Variants in ARHGEF12 observed in about 807,000 individuals in gnomAD.
ARHGEF12 encodes KMT2A/ARHGEF12 fusion protein.
Under a neutral mutation model 211.2 loss-of-function variants are expected in ARHGEF12, and 66 were observed. The ratio of observed to expected loss-of-function variants is 0.31; its 90% CI spans 0.26 to 0.38. The LOEUF (loss-of-function observed/expected upper bound fraction) is 0.38, where lower values mean the gene tolerates loss of function less well. Ranked by LOEUF, ARHGEF12 falls within the 10% of genes least tolerant of loss-of-function variation. The pLI is 1.00. For missense variants in ARHGEF12, 1,429 were observed against 1,869.5 expected, an observed-to-expected ratio of 0.76 and a Z score of 4.34; for synonymous variants, 592 against 638.4, an observed-to-expected ratio of 0.93 and a Z score of 1.09.
chr11:120,448,994 G>T (rs924917604), intron 20 of ARHGEF12, 115 bp from the exon 21 acceptor site: 2 of 831,592 alleles, frequency 2.4e-6, no homozygotes, highest in African/African-American at 1.7e-5. Context: ...CACGTGTACG[G>T]GTTTTCATTT....
chr11:120,429,301 A>C, intron 8 of ARHGEF12, 139 bp from the exon 9 acceptor site: 1 of 596,036 alleles, frequency 1.7e-6, no homozygotes, highest in Non-Finnish European at 2.9e-6. Context: ...GCCTGTCCAC[A>C]TAACCCGGAA....
At chr11:120,354,065 C>T (rs911954204) in intron 1 of ARHGEF12, among the ~76,000 whole-genome samples, 2 of 152,008 alleles carry the variant, frequency 1.3e-5, no homozygotes, top group African/African-American at 4.8e-5. Flanking sequence ...CCTCTGATCT[C>T]CTCAGAGACT....
At chr11:120,437,494 AAAATT>A in intron 12 of ARHGEF12, 112 bp downstream of exon 12, 2 of 662,734 alleles carry the variant, frequency 3.0e-6, no homozygotes, top group African/African-American at 1.9e-5. Context: ...TTTTGGAAAA[AAAATT>A]AAAATTTATT....
chr11:120,473,201 C>T (rs1946922683), intron 31 of ARHGEF12, 74 bp downstream of exon 31: 4 of 1,321,370 alleles, frequency 3.0e-6, no homozygotes, highest in Non-Finnish European at 4.3e-6. Flanking sequence ...ATTAACATCT[C>T]AGTGGGAATA....
chr11:120,357,137 C>A (rs1943152614), intron 1 of ARHGEF12, among the ~76,000 whole-genome samples: 1 of 151,896 alleles, frequency 6.6e-6, no homozygotes. Flanking sequence ...GGACTGCAGG[C>A]ATGTGCCACC....
intron 1 of ARHGEF12, among the ~76,000 whole-genome samples, chr11:120,364,559 G>A (rs929870181): frequency 6.6e-5 from 10 of 152,306 alleles, no homozygotes; most frequent in Middle Eastern, 3.4e-3. Flanking sequence ...AGGAACCAAT[G>A]TAAGTCTGGT....
intron 1 of ARHGEF12, among the ~76,000 whole-genome samples, chr11:120,357,647 G>A (rs936236567): frequency 1.3e-5 from 2 of 152,138 alleles, no homozygotes; most frequent in Non-Finnish European, 2.9e-5. Context: ...TTGCCTCATT[G>A]CAACCTCCAC....
Position 120,465,288 on chromosome 11 carries a change from A to G in ARHGEF12, c.2665A>G (p.Ser889Gly). 1 of 1,614,158 alleles carries G rather than the reference A, an allele frequency of 6.2e-7. No homozygotes were observed. The highest frequency in any genetic ancestry group is 8.5e-7 in the Non-Finnish European group (1 of 1,180,008). The change falls in exon 28 of 41, where the codon AGT becomes GGT. Residue 889 changes from serine to glycine, a missense_variant. Physicochemically the swap from Ser to Gly is moderately conservative, Grantham distance 56. Around this residue, in one of 7 missense-constraint regions of ARHGEF12, gnomAD observed 223 missense variants for 444.6 expected, o/e 0.50. Coordinates refer to ENST00000397843, the MANE Select transcript of ARHGEF12 (RefSeq NM_015313.3). ...GAAACATGCTGCTGCTACCTTTTGCAGTAACCAACCTTTCGCCCTGGAAAT... is the reference window on the plus strand; with the variant it reads ...GAAACATGCTGCTGCTACCTTTTGCGGTAACCAACCTTTCGCCCTGGAAAT... ...KLKHAAATFC[S>G]NQPFALEMIK...
At chr11:120,466,271 A>T (rs796306450) in intron 28 of ARHGEF12, among the ~76,000 whole-genome samples, 26 of 152,312 alleles carry the variant, frequency 1.7e-4, no homozygotes, top group African/African-American at 6.0e-4. Context: ...TTCTTTGTAA[A>T]TGTATAACTG....
chr11:120,430,323 T>TA (rs373262287), intron 10 of ARHGEF12, among the ~76,000 whole-genome samples: 16 of 152,234 alleles, frequency 1.1e-4, no homozygotes, highest in African/African-American at 3.6e-4. Context: ...TAGAGAGAGT[T>TA]AGAGAGATTA....
chr11:120,437,016 G>A (rs911209577), intron 11 of ARHGEF12, among the ~76,000 whole-genome samples: 1 of 151,970 alleles, frequency 6.6e-6, no homozygotes, highest in African/African-American at 2.4e-5. Context: ...ATGAGTTTGA[G>A]GTATGCAGTA....
intron 1 of ARHGEF12, among the ~76,000 whole-genome samples, chr11:120,373,948 C>T (rs1943656768): frequency 6.6e-6 from 1 of 152,168 alleles, no homozygotes; most frequent in South Asian, 2.1e-4. Context: ...GCTGGGATTA[C>T]AGGCATGCAC....
rs541618719 is a variant in ARHGEF12, at chr11:120,410,853, C to T, written c.199+1403C>T. On this transcript the variant is annotated intron_variant, in intron 4 of 40. Transcript: ENST00000397843. The stretch of plus-strand genomic sequence containing the variant: ...TACCTAATTCCTGGAGACTATATTT[C>T]TGTTCTATATAAAGAGCTTTCTATA... 4 of 152,264 alleles carry T rather than the reference C, an allele frequency of 2.6e-5. No individual in the cohort carries two copies. The South Asian group carries it at 8.3e-4, about 32-fold the overall frequency. 9.4% of individuals were successfully genotyped at this position (152,264 alleles called of 1,614,324 possible).
chr11:120,423,905 A>G (rs1945270456), intron 6 of ARHGEF12, among the ~76,000 whole-genome samples: 1 of 152,190 alleles, frequency 6.6e-6, no homozygotes, highest in South Asian at 2.1e-4. Context: ...CTGAAAATTA[A>G]TTTTCTTTGT....
chr11:120,446,997 C>G lies in ARHGEF12; in HGVS notation c.1501C>G (p.Leu501Val). 1 of 1,614,198 alleles carries G rather than the reference C, an allele frequency of 6.2e-7. No individual in the cohort carries two copies. Among genetic ancestry groups the G allele is most frequent in the Non-Finnish European group, 8.5e-7 (1 of 1,180,032 alleles). ...CTTGGCTGAAAGCGAGCTGACTAAA[C>G]TTGATGCAGAGCGAGACAAGGACCG... is the stretch of plus-strand genomic sequence containing the variant. ...LTLAESELTK[L>V]DAERDKDRLT... The change falls in exon 18 of 41, where the codon CTT (leucine) becomes GTT (valine). Residue 501 changes from leucine (L) to valine (V), a missense_variant. Transcript: ENST00000397843.
At chr11:120,409,262 C>G (rs529611950) in intron 3 of ARHGEF12, 132 bp from the exon 4 acceptor site, 1 of 759,620 alleles carries the variant, frequency 1.3e-6, no homozygotes, top group African/African-American at 1.7e-5. Flanking sequence ...GTGCTGTCAT[C>G]TGTTATGTTC....
At position 120,428,055 on chromosome 11, in the gene ARHGEF12, C is replaced by A; in HGVS notation, c.407-14C>A. ...TTTCCCTTCCCTTCCCTTTTTCCGT[C>A]TCCCCACCCCAAGCTGGTTCCTATG... On this transcript the variant is annotated splice_polypyrimidine_tract_variant and intron_variant, in intron 7 of 40. Transcript: ENST00000397843. 1 of 1,521,864 alleles carries A rather than the reference C, an allele frequency of 6.6e-7. No individual in the cohort carries two copies. Among genetic ancestry groups the A allele is most frequent in the Non-Finnish European group, 8.8e-7 (1 of 1,135,024 alleles). The allele number at this position is 1,521,864 out of a possible 1,614,324, so 94.3% of individuals were successfully genotyped here.
intron 36 of ARHGEF12, 133 bp from the exon 37 acceptor site, chr11:120,478,023 G>A: frequency 1.5e-6 from 1 of 657,566 alleles, no homozygotes; most frequent in East Asian, 2.7e-5. Flanking sequence ...TAAGTGATGT[G>A]TATTTTTCTT....
chr11:120,406,555 A>G (rs940385199), intron 2 of ARHGEF12, among the ~76,000 whole-genome samples: 1 of 150,702 alleles, frequency 6.6e-6, no homozygotes, highest in Non-Finnish European at 1.5e-5. Context: ...TTTATTTTTT[A>G]TTTTATTTTA....
Sources: allele counts gnomAD v4.1 joint callset (sites outside exome capture counted in the v4.1 genomes callset), GRCh38; gene constraint gnomAD v4.1.1; regional missense constraint gnomAD v4.1.1; transcripts MANE v1.5; gene names NCBI Gene and HGNC (gene_info 2026-07-23, HGNC 2026-07-21).